Variants in ADARB1 observed in about 807,000 individuals in gnomAD.
ADARB1 encodes double-stranded RNA-specific editase 1.
A neutral mutation model predicts 52.4 loss-of-function variants in ADARB1; 10 were observed. The observed-to-expected ratio is 0.19, with a 90% confidence interval of 0.12 to 0.32. ADARB1 has a LOEUF of 0.32. Ranked by LOEUF, ADARB1 falls within the 10% of genes least tolerant of loss-of-function variation. The pLI, the probability that ADARB1 is intolerant of heterozygous loss-of-function variation, is 1.00. For missense variants in ADARB1, 643 were observed against 922.3 expected (o/e 0.70, Z 3.92); for synonymous variants, 349 against 371.1 (o/e 0.94, Z 0.68).
Position 45,222,281 on chromosome 21 carries a change from G to T in ADARB1, c.*84G>T. ...AACCTCACATCTGAACTGGGGGCAG[G>T]TGCATACCTTGGGGAGGGAGTAGGG... On this transcript the variant is annotated 3_prime_UTR_variant, in exon 11 of 11. Transcript: ENST00000348831. 6.9e-7 allele frequency: 1 copy of T among 1,445,758 alleles called. No homozygotes were observed. The allele number at this position is 1,445,758 out of a possible 1,614,324, so 89.6% of individuals were successfully genotyped here.
At chr21:45,219,672 G>C (rs2092928173) in intron 9 of ADARB1, among the ~76,000 whole-genome samples, 1 of 152,160 alleles carries the variant, frequency 6.6e-6, no homozygotes, top group Non-Finnish European at 1.5e-5. Flanking sequence ...AAATGAGGTG[G>C]ATTTGCAACC....
In ADARB1 at chr21:45,220,829, G is replaced by A. The variant is rs764685030; in HGVS notation, c.1748-7G>A. The A allele has an allele frequency of 1.1e-5, 17 of 1,611,720 alleles. No homozygotes were observed. In the East Asian group the frequency reaches 1.3e-4, roughly 13 times the overall value. On this transcript the variant is annotated splice_region_variant and splice_polypyrimidine_tract_variant and intron_variant, in intron 9 of 10. Coordinates refer to ENST00000348831, the MANE Select transcript of ADARB1 (RefSeq NM_001112.4). This position sits in a 1 kb window ranked among gnomAD's most constrained non-coding sequence, Gnocchi z 6.3. ...TTCACACCACCTTCCTGTGTCTTCC[G>A]TTTCAGGCATCAGCAATGCAGAAGC...
At chr21:45,126,356 A>G (rs553324460) in intron 1 of ADARB1, among the ~76,000 whole-genome samples, 1 of 152,192 alleles carries the variant, frequency 6.6e-6, no homozygotes, top group East Asian at 1.9e-4. Context: ...CAGATCTTCC[A>G]TCTCTCCACT....
At position 45,142,833 on chromosome 21, in the gene ADARB1, G is replaced by A. The variant is rs564087299; in HGVS notation, c.-48+14260G>A. Among the ~76,000 whole-genome samples, 2 of 152,172 alleles carry A rather than the reference G, an allele frequency of 1.3e-5. No individual in the cohort carries two copies. Among genetic ancestry groups the A allele is most frequent in the Non-Finnish European group, 2.9e-5 (2 of 68,018 alleles). On this transcript the variant is annotated intron_variant, in intron 2 of 10. Coordinates refer to ENST00000348831, the MANE Select transcript of ADARB1 (RefSeq NM_001112.4). The surrounding 1 kb of genome is among the most constrained non-coding windows in gnomAD (Gnocchi z 4.0). The stretch of plus-strand genomic sequence containing the variant: ...GCCCAGAAGGTAAGAAATTGCCTAC[G>A]GCCCTTGGCTAATAGAAGAGGGAGC...
intron 8 of ADARB1, among the ~76,000 whole-genome samples, chr21:45,193,238 C>T (rs1021689738): frequency 6.6e-6 from 1 of 152,178 alleles, no homozygotes; most frequent in African/African-American, 2.4e-5. Flanking sequence ...TAGGGGCTAT[C>T]CCAGGAATTC....
chr21:45,214,245 T>C (rs868587764), intron 9 of ADARB1, among the ~76,000 whole-genome samples: 12 of 152,236 alleles, frequency 7.9e-5, no homozygotes, highest in African/African-American at 4.8e-5. Context: ...ATCTTATTAC[T>C]GGGTTTTGAG....
intron 1 of ADARB1, among the ~76,000 whole-genome samples, chr21:45,104,893 G>C (rs1171923563): frequency 1.3e-5 from 2 of 152,180 alleles, no homozygotes; most frequent in Non-Finnish European, 2.9e-5. Flanking sequence ...AAGTCTCTGT[G>C]CTTCCCTTGG....
Position 45,222,420 on chromosome 21 carries a change from C to T in ADARB1, c.*223C>T, listed in dbSNP as rs1218965320. The T allele has an allele frequency of 3.1e-6, 4 of 1,291,932 alleles. No individual in the cohort carries two copies. Among genetic ancestry groups the T allele is most frequent in the African/African-American group, 1.5e-5 (1 of 65,040 alleles). 80.0% of individuals were successfully genotyped at this position (1,291,932 alleles called of 1,614,324 possible). ...GTGCGTCAGGGCCCAGCATCGCCGC[C>T]TGGCATCTCTCTGCCGCAGCATTTC... is the stretch of plus-strand genomic sequence containing the variant. On this transcript the variant is annotated 3_prime_UTR_variant, in exon 11 of 11. Transcript: ENST00000348831.
At chr21:45,147,819 C>T (rs903735659) in intron 2 of ADARB1, among the ~76,000 whole-genome samples, 8 of 152,214 alleles carry the variant, frequency 5.3e-5, no homozygotes, top group African/African-American at 9.6e-5. Flanking sequence ...ACGCTGCCCC[C>T]GGCACCTCTC....
chr21:45,176,414 T>C lies in ADARB1; in HGVS notation c.713T>C (p.Met238Thr), dbSNP rs932355965. ...FPPPSGKNPV[M>T]ILNELRPGLK... ...CCCCCGAGTGGGAAGAATCCCGTGA[T>C]GATCTTGAACGAACTGCGCCCAGGA... Residue 238 changes from methionine (M) to threonine (T), a missense_variant, in exon 4 of 11, where the codon ATG becomes ACG. Physicochemically the swap from Met to Thr is moderately conservative, Grantham distance 81 (BLOSUM62 -1). This residue lies in a region of ADARB1 where 380 missense variants were observed against 446.5 expected (regional missense o/e 0.85). Coordinates refer to ENST00000348831, the MANE Select transcript of ADARB1 (RefSeq NM_001112.4). The surrounding 1 kb of genome is among the most constrained non-coding windows in gnomAD (Gnocchi z 5.8). 1 of 1,614,214 alleles carries C rather than the reference T, an allele frequency of 6.2e-7. No homozygotes were observed. The highest frequency in any genetic ancestry group is 1.1e-5 in the South Asian group (1 of 91,088).
At chr21:45,087,736 G>A (rs1280012490) in intron 1 of ADARB1, among the ~76,000 whole-genome samples, 3 of 152,160 alleles carry the variant, frequency 2.0e-5, no homozygotes, top group Non-Finnish European at 4.4e-5. Flanking sequence ...GGATGTGGGG[G>A]ACCCAAAATG....
intron 1 of ADARB1, among the ~76,000 whole-genome samples, chr21:45,105,149 G>C (rs939959801): frequency 1.3e-5 from 2 of 152,152 alleles, no homozygotes; most frequent in African/African-American, 4.8e-5. Context: ...CACCCAGGCT[G>C]GAGAGCAGTG....
chr21:45,216,041 G>C (rs560164047), intron 9 of ADARB1, among the ~76,000 whole-genome samples: 258 of 152,132 alleles, frequency 1.7e-3, no homozygotes, highest in Middle Eastern at 6.8e-3. Context: ...CTTTTTTCTT[G>C]AGTAAGCTTC....
At position 45,107,254 on chromosome 21, in the gene ADARB1, G is replaced by A. The variant is rs189516017; in HGVS notation, c.-219-21148G>A. 3.1e-3 allele frequency among the ~76,000 whole-genome samples: 479 copies of A among 152,284 alleles called. 4 individuals are homozygous for A. The highest frequency in any genetic ancestry group is 0.014 in the Middle Eastern group (4 of 294). On this transcript the variant is annotated intron_variant, in intron 1 of 10. Transcript: ENST00000348831. ...GAGCAGGTGAAGACACCTTGTTCTC[G>A]GTTAAGATGGCTTGGCTCATTAAGA...
intron 8 of ADARB1, among the ~76,000 whole-genome samples, chr21:45,203,087 C>G (rs2092594086): frequency 6.6e-6 from 1 of 152,248 alleles, no homozygotes. Flanking sequence ...TGCGCCAGCC[C>G]CTCCCCTGAG....
intron 7 of ADARB1, chr21:45,184,497 G>A: frequency 7.4e-6 from 2 of 269,254 alleles, no homozygotes; most frequent in Non-Finnish European, 1.5e-5. Context: ...CACCCAGGCT[G>A]GAGTGCAGTG....
At chr21:45,139,858 AT>A (rs1002463189) in intron 2 of ADARB1, among the ~76,000 whole-genome samples, 12 of 149,362 alleles carry the variant, frequency 8.0e-5, no homozygotes, top group Admixed American at 2.0e-4. Context: ...TTCTTATAGA[AT>A]TTGTTTTCTT....
chr21:45,184,560 T>C, intron 7 of ADARB1: 1 of 363,576 alleles, frequency 2.8e-6, no homozygotes, highest in Non-Finnish European at 5.5e-6. Context: ...AAGCGATCCT[T>C]CCACCTCAAC....
intron 8 of ADARB1, among the ~76,000 whole-genome samples, chr21:45,196,719 C>T (rs1280283327): frequency 6.6e-6 from 1 of 152,142 alleles, no homozygotes; most frequent in Non-Finnish European, 1.5e-5. Context: ...GTGAAATAAG[C>T]ACATGAAAAG....
Sources: gnomAD v4.1 joint callset for allele counts (sites outside exome capture counted in the v4.1 genomes callset) on GRCh38, gnomAD v4.1.1 for gene constraint, gnomAD v4.1.1 regional missense constraint, Gnocchi (gnomAD v3.1) non-coding constraint, MANE v1.5 for transcripts, NCBI Gene and HGNC (gene_info 2026-07-23, HGNC 2026-07-21) for gene names.